The following ADGRG7 variants were observed in gnomAD, a reference collection of about 807,000 sequenced individuals.
ADGRG7 encodes the protein G-protein coupled receptor 128.
ADGRG7 carries 82 observed loss-of-function variants against 88.6 expected under a neutral mutation model. That is an observed-to-expected ratio of 0.93 (90% CI 0.77 to 1.11). ADGRG7 has a LOEUF of 1.11. Among genes scored for constraint, ADGRG7 ranks in the 50% most tolerant of loss-of-function variants. The probability of loss-of-function intolerance (pLI) is 0.00; values close to 1 mark genes in which losing one functional copy is unlikely to be tolerated. For missense variants in ADGRG7, 945 were observed against 953.4 expected (o/e 0.99, Z 0.12); for synonymous variants, 381 against 345.2 (o/e 1.10, Z -1.15).
intron 1 of ADGRG7, among the ~76,000 whole-genome samples, chr3:100,628,335 A>G (rs972602789): frequency 6.6e-6 from 1 of 150,510 alleles, no homozygotes; most frequent in Non-Finnish European, 1.5e-5. Flanking sequence ...AATCTATTCC[A>G]TCATTATTGA....
intron 1 of ADGRG7, among the ~76,000 whole-genome samples, chr3:100,627,758 G>T (rs946385596): frequency 6.6e-6 from 1 of 151,990 alleles, no homozygotes; most frequent in African/African-American, 2.4e-5. Context: ...TCTATGCATG[G>T]TTTTTCTTGC....
intron 4 of ADGRG7, among the ~76,000 whole-genome samples, chr3:100,634,505 C>A (rs887100951): frequency 1.3e-5 from 2 of 152,084 alleles, no homozygotes; most frequent in South Asian, 2.1e-4. Flanking sequence ...AGAGGTGAAG[C>A]ATTTTGCCTA....
intron 14 of ADGRG7, 30 bp downstream of exon 14, chr3:100,659,873 A>G (rs764180120): frequency 2.6e-5 from 42 of 1,607,514 alleles, no homozygotes; most frequent in Non-Finnish European, 8.5e-7. Flanking sequence ...GGAAGCTGCC[A>G]GGCAAGGCTC....
chr3:100,643,972 A>G (rs557011121), intron 8 of ADGRG7, among the ~76,000 whole-genome samples: 1 of 152,316 alleles, frequency 6.6e-6, no homozygotes, highest in African/African-American at 2.4e-5. Flanking sequence ...ACAAGCTCTG[A>G]CCATGTTTAC....
At chr3:100,659,268 T>TAA (rs888624071) in intron 13 of ADGRG7, among the ~76,000 whole-genome samples, 6 of 142,944 alleles carry the variant, frequency 4.2e-5, no homozygotes, top group Middle Eastern at 3.6e-3. Flanking sequence ...CCGTCTCTAC[T>TAA]AAAAAAAAAA....
intron 1 of ADGRG7, among the ~76,000 whole-genome samples, chr3:100,623,412 A>G (rs1422693815): frequency 6.6e-6 from 1 of 151,936 alleles, no homozygotes; most frequent in Non-Finnish European, 1.5e-5. Flanking sequence ...CTTTTGTTCT[A>G]CTTCATTGAT....
chr3:100,673,423 C>A (rs1283593530), intron 15 of ADGRG7, among the ~76,000 whole-genome samples: 1 of 150,172 alleles, frequency 6.7e-6, no homozygotes, highest in Non-Finnish European at 1.5e-5. Flanking sequence ...TCCCCTTTAT[C>A]ATTTTTTTAC....
chr3:100,617,573 T>C (rs1211531691), intron 1 of ADGRG7, among the ~76,000 whole-genome samples: 20 of 152,218 alleles, frequency 1.3e-4, no homozygotes, highest in Admixed American at 1.2e-3. Context: ...GGCTGCATAG[T>C]ATTCCATGGT....
At chr3:100,643,794 T>C (rs1283590380) in intron 8 of ADGRG7, among the ~76,000 whole-genome samples, 161 bp downstream of exon 8, 1 of 152,260 alleles carries the variant, frequency 6.6e-6, no homozygotes, top group African/African-American at 2.4e-5. Flanking sequence ...ATCTCAACTC[T>C]ACTATTCTAA....
intron 14 of ADGRG7, among the ~76,000 whole-genome samples, chr3:100,667,118 A>G (rs140875322): frequency 2.0e-5 from 3 of 152,136 alleles, no homozygotes; most frequent in East Asian, 1.9e-4. Flanking sequence ...GGTTCAAGCA[A>G]TTCTCTGCCA....
Position 100,685,077 on chromosome 3 carries a change from G to A in ADGRG7, c.2137-9667G>A, listed in dbSNP as rs138985281. Among the ~76,000 whole-genome samples the A allele has an allele frequency of 1.1e-3, 165 of 151,862 alleles. 1 individual carries two copies. Among genetic ancestry groups the A allele is most frequent in the African/African-American group, 3.8e-3 (158 of 41,440 alleles). ...AAATGTTTTTAATGTTTTGCCAGTC[G>A]TTTTATATTGGAATGTCCTGTTATT... On this transcript the variant is annotated intron_variant, in intron 15 of 15. Coordinates refer to ENST00000273352, the MANE Select transcript of ADGRG7 (RefSeq NM_032787.3).
At chr3:100,642,981 A>T (rs1707671013) in intron 6 of ADGRG7, among the ~76,000 whole-genome samples, 1 of 152,220 alleles carries the variant, frequency 6.6e-6, no homozygotes, top group Non-Finnish European at 1.5e-5. Flanking sequence ...CATCATAATA[A>T]AGACTATTTC....
At chr3:100,621,177 C>T (rs1707306687) in intron 1 of ADGRG7, among the ~76,000 whole-genome samples, 1 of 152,112 alleles carries the variant, frequency 6.6e-6, no homozygotes, top group African/African-American at 2.4e-5. Context: ...CCCCGAGACA[C>T]AACATCGTTG....
chr3:100,655,400 TTAAC>T (rs1304978129), intron 12 of ADGRG7, among the ~76,000 whole-genome samples: 1 of 152,190 alleles, frequency 6.6e-6, no homozygotes, highest in Non-Finnish European at 1.5e-5. Flanking sequence ...GTAAACTAAC[TTAAC>T]TAACTTAAAA....
intron 14 of ADGRG7, chr3:100,665,202 G>T (rs2094950221): frequency 3.7e-6 from 2 of 539,986 alleles, no homozygotes; most frequent in Non-Finnish European, 7.6e-6. Flanking sequence ...CATCCAACAG[G>T]ACTGGAGAAA....
intron 15 of ADGRG7, among the ~76,000 whole-genome samples, chr3:100,690,953 T>C (rs2094992487): frequency 6.6e-6 from 1 of 152,168 alleles, no homozygotes; most frequent in East Asian, 1.9e-4. Context: ...TTGTGCCCTG[T>C]CCCCAGAGGT....
At chr3:100,682,452 G>A (rs1210430640) in intron 15 of ADGRG7, among the ~76,000 whole-genome samples, 13 of 152,244 alleles carry the variant, frequency 8.5e-5, no homozygotes, top group African/African-American at 3.1e-4. Flanking sequence ...ACGGCGCCAA[G>A]TTCCTGCGCC....
intron 6 of ADGRG7, among the ~76,000 whole-genome samples, chr3:100,640,431 C>G (rs1254574002): frequency 6.6e-6 from 1 of 152,158 alleles, no homozygotes; most frequent in African/African-American, 2.4e-5. Flanking sequence ...CTCTTTGACT[C>G]TGTCAAAGTG....
At position 100,651,571 on chromosome 3, in the gene ADGRG7, T is replaced by C. The variant is rs111830265; in HGVS notation, c.1379+1764T>C. Among the ~76,000 whole-genome samples the C allele has an allele frequency of 5.1e-3, 775 of 152,232 alleles. 9 individuals are homozygous for C. Among genetic ancestry groups the C allele is most frequent in the African/African-American group, 0.018 (741 of 41,548 alleles). On this transcript the variant is annotated intron_variant, in intron 11 of 15. Transcript: ENST00000273352. ...CAAAAATAAAAATAAACACCAGGCA[T>C]GGAGGCTCACACCTATAATTCCAGC...
Sources: gnomAD v4.1 joint callset for allele counts (sites outside exome capture counted in the v4.1 genomes callset) on GRCh38, gnomAD v4.1.1 for gene constraint, MANE v1.5 for transcripts, NCBI Gene and HGNC (gene_info 2026-07-23, HGNC 2026-07-21) for gene names.